TCF12: variants seen among roughly 807,000 people sequenced by gnomAD.
TCF12 encodes DNA-binding protein HTF4.
In TCF12, 45 loss-of-function variants were observed where a neutral mutation model predicts 86.0. The observed-to-expected ratio is 0.52, with a 90% CI of 0.41 to 0.67. The LOEUF (loss-of-function observed/expected upper bound fraction) is 0.67. Among genes scored for constraint, TCF12 ranks in the 30% least tolerant of loss-of-function variants. The pLI is 0.00. For missense variants in TCF12, 881 were observed against 859.9 expected (o/e 1.02, Z -0.31); for synonymous variants, 330 against 299.6 (o/e 1.10, Z -1.05).
At chr15:56,984,249 G>GTGT (rs2063055206) in intron 3 of TCF12, among the ~76,000 whole-genome samples, 1 of 122,988 alleles carries the variant, frequency 8.1e-6, no homozygotes, top group Non-Finnish European at 1.7e-5. Flanking sequence ...GCATGTGCAT[G>GTGT]GTGTGTGTGT....
chr15:56,930,457 T>C (rs2060197177), intron 3 of TCF12, among the ~76,000 whole-genome samples: 1 of 152,228 alleles, frequency 6.6e-6, no homozygotes, highest in African/African-American at 2.4e-5. Flanking sequence ...TCTAGCCAAC[T>C]TTGTCATGTG....
intron 6 of TCF12, among the ~76,000 whole-genome samples, chr15:57,166,756 A>G (rs2054924847): frequency 6.6e-6 from 1 of 152,210 alleles, no homozygotes; most frequent in Admixed American, 6.5e-5. Flanking sequence ...ATATTTTCTC[A>G]CAGAAAACGT....
intron 3 of TCF12, among the ~76,000 whole-genome samples, chr15:57,026,729 G>A (rs964266993): frequency 1.3e-5 from 2 of 151,768 alleles, no homozygotes; most frequent in African/African-American, 4.8e-5. Context: ...TTGTGTATAT[G>A]TAAATATTGT....
At chr15:56,919,802 C>G (rs754599071) in intron 1 of TCF12, 90 bp from the exon 2 acceptor site, 11 of 1,191,612 alleles carry the variant, frequency 9.2e-6, no homozygotes, top group Non-Finnish European at 1.2e-5. Flanking sequence ...CCCCAGCGCT[C>G]TTGCGTAATC....
chr15:57,025,560 T>A (rs1307650365), intron 3 of TCF12, among the ~76,000 whole-genome samples: 1 of 152,134 alleles, frequency 6.6e-6, no homozygotes, highest in African/African-American at 2.4e-5. Context: ...CACAATGGGA[T>A]GGAATTGTAG....
chr15:57,126,714 T>G (rs1268143557), intron 5 of TCF12, among the ~76,000 whole-genome samples: 11 of 152,172 alleles, frequency 7.2e-5, no homozygotes, highest in African/African-American at 2.7e-4. Context: ...CTGATCTCCC[T>G]TAATATCTGG....
intron 6 of TCF12, among the ~76,000 whole-genome samples, chr15:57,171,480 A>C (rs902075906): frequency 6.6e-6 from 1 of 152,222 alleles, no homozygotes; most frequent in Admixed American, 6.5e-5. Flanking sequence ...AGTGACTCCA[A>C]AATTATACCC....
At chr15:57,278,894 TTCTG>T (rs1382925118) in intron 19 of TCF12, among the ~76,000 whole-genome samples, 1 of 151,484 alleles carries the variant, frequency 6.6e-6, no homozygotes, top group African/African-American at 2.4e-5. Context: ...TATTCTTTAT[TTCTG>T]TCTTTGTTTC....
intron 3 of TCF12, among the ~76,000 whole-genome samples, chr15:56,959,766 A>G (rs145510580): frequency 5.1e-4 from 77 of 152,304 alleles, no homozygotes; most frequent in African/African-American, 1.9e-3. Context: ...AAATGGTTCT[A>G]TTTGTTATTT....
intron 3 of TCF12, among the ~76,000 whole-genome samples, chr15:57,013,067 A>G (rs931921893): frequency 6.6e-6 from 1 of 151,782 alleles, no homozygotes. Flanking sequence ...AAACTGTATG[A>G]TAGTATGGTA....
intron 3 of TCF12, among the ~76,000 whole-genome samples, chr15:56,936,694 T>C (rs1238969537): frequency 6.6e-6 from 1 of 152,238 alleles, no homozygotes; most frequent in Admixed American, 6.5e-5. Flanking sequence ...TTCTCTTACA[T>C]GTGGTTTTCC....
intron 13 of TCF12, chr15:57,247,204 A>G: frequency 3.3e-6 from 2 of 610,254 alleles, no homozygotes; most frequent in Non-Finnish European, 6.0e-6. Flanking sequence ...CCCCTCTACT[A>G]CTGTAACCAG....
intron 5 of TCF12, among the ~76,000 whole-genome samples, chr15:57,131,688 T>C (rs1721217617): frequency 6.6e-6 from 1 of 152,192 alleles, no homozygotes; most frequent in African/African-American, 2.4e-5. Context: ...ACTCTGAAGA[T>C]GACTAGACAG....
At chr15:57,153,420 G>A (rs1308304772) in intron 5 of TCF12, among the ~76,000 whole-genome samples, 1 of 152,174 alleles carries the variant, frequency 6.6e-6, no homozygotes, top group Non-Finnish European at 1.5e-5. Flanking sequence ...ACAGGAAGCA[G>A]GCCATGAGTC....
In TCF12 at chr15:57,258,284, T is replaced by TA. The variant is rs1170700717; in HGVS notation, c.1468-3802dup. On this transcript the variant is annotated intron_variant, in intron 16 of 20. Transcript: ENST00000333725. ...GACAAAGTGAGACCCTGTATCAATT[T>TA]AAAAAAAAGGGGAATCGTGAATTTC... Among the ~76,000 whole-genome samples, 239 of 151,924 alleles carry TA rather than the reference T, an allele frequency of 1.6e-3. 1 individual carries two copies. The highest frequency in any genetic ancestry group is 4.3e-3 in the African/African-American group (178 of 41,432).
intron 3 of TCF12, among the ~76,000 whole-genome samples, chr15:57,014,241 T>C (rs1596120959): frequency 6.6e-6 from 1 of 152,194 alleles, no homozygotes; most frequent in Admixed American, 6.5e-5. Context: ...TTGAAACTAA[T>C]TTGTGTTATG....
Position 57,286,495 on chromosome 15 carries a change from T to C in TCF12, c.*350T>C. On this transcript the variant is annotated 3_prime_UTR_variant, in exon 21 of 21. Transcript: ENST00000333725. ...TGCCTAAACTGAATTGACAAATGCA[T>C]TGTAACTACAAATTTTATTTATTGT... 2 of 385,536 alleles carry C rather than the reference T, an allele frequency of 5.2e-6. No homozygotes were observed. Among genetic ancestry groups the C allele is most frequent in the South Asian group, 3.9e-5 (2 of 51,744 alleles). The allele number at this position is 385,536 out of a possible 1,614,324, so 23.9% of individuals were successfully genotyped here.
intron 6 of TCF12, among the ~76,000 whole-genome samples, chr15:57,175,386 A>T (rs190851390): frequency 7.9e-5 from 12 of 152,258 alleles, no homozygotes; most frequent in African/African-American, 2.6e-4. Flanking sequence ...ACAACTCTGT[A>T]AGGTTAGCTA....
intron 3 of TCF12, among the ~76,000 whole-genome samples, chr15:57,050,512 A>G (rs1332191310): frequency 6.6e-6 from 1 of 151,994 alleles, no homozygotes. Flanking sequence ...CATTTTTACT[A>G]TTGGTGCATT....
Sources: gnomAD v4.1 joint callset for allele counts (sites outside exome capture counted in the v4.1 genomes callset) on GRCh38, gnomAD v4.1.1 for gene constraint, MANE v1.5 for transcripts, NCBI Gene and HGNC (gene_info 2026-07-23, HGNC 2026-07-21) for gene names.